The following VPS13B variants were observed in gnomAD, a reference collection of about 807,000 sequenced individuals.
VPS13B encodes intermembrane lipid transfer protein VPS13B.
A neutral mutation model predicts 426.4 loss-of-function variants in VPS13B; 285 were observed. The observed-to-expected ratio is 0.67, with a 90% confidence interval of 0.61 to 0.74. The LOEUF is 0.74. VPS13B is among the 30% of genes least tolerant of loss of function. The probability of loss-of-function intolerance (pLI) is 0.00; values close to 1 mark genes in which losing one functional copy is unlikely to be tolerated. For synonymous variants in VPS13B, 1,676 were observed against 1,676.4 expected (o/e 1.00, Z 0.01); for missense variants, 4,537 against 4,782.6 (o/e 0.95, Z 1.51).
chr8:99,311,599 C>G (rs1170438573), intron 19 of VPS13B, among the ~76,000 whole-genome samples: 1 of 152,092 alleles, frequency 6.6e-6, no homozygotes, highest in Non-Finnish European at 1.5e-5. Flanking sequence ...ACTATGTGGT[C>G]AATTTTGGAA....
chr8:99,101,872 A>G (rs1846770620), intron 4 of VPS13B, among the ~76,000 whole-genome samples: 1 of 152,194 alleles, frequency 6.6e-6, no homozygotes. Flanking sequence ...AAAGAATACA[A>G]CCATATGGTT....
chr8:99,166,798 C>T (rs1812032165), intron 15 of VPS13B, among the ~76,000 whole-genome samples: 1 of 152,214 alleles, frequency 6.6e-6, no homozygotes, highest in African/African-American at 2.4e-5. Context: ...CTTACTCTTA[C>T]TGATTCCAGA....
intron 19 of VPS13B, among the ~76,000 whole-genome samples, chr8:99,296,829 G>A (rs960951912): frequency 1.3e-5 from 2 of 152,150 alleles, no homozygotes; most frequent in Non-Finnish European, 2.9e-5. Context: ...ACAGAGACCA[G>A]GACTTCACCA....
At chr8:99,595,139 T>G (rs1826937677) in intron 33 of VPS13B, among the ~76,000 whole-genome samples, 1 of 151,976 alleles carries the variant, frequency 6.6e-6, no homozygotes, top group Non-Finnish European at 1.5e-5. Context: ...AAGTCAATCC[T>G]ATATTGAGTG....
intron 33 of VPS13B, among the ~76,000 whole-genome samples, chr8:99,586,611 T>G (rs1308438852): frequency 6.6e-6 from 1 of 152,094 alleles, no homozygotes; most frequent in Non-Finnish European, 1.5e-5. Flanking sequence ...AGTGGTGGTT[T>G]TGTGGGGAGA....
intron 30 of VPS13B, among the ~76,000 whole-genome samples, chr8:99,524,179 G>GA (rs1822525269): frequency 6.6e-6 from 1 of 151,922 alleles, no homozygotes; most frequent in Non-Finnish European, 1.5e-5. Flanking sequence ...CAGACTATTT[G>GA]AAAATACACA....
rs753494412 is a variant in VPS13B, at chr8:99,720,876, G to A, written c.6879G>A (p.Leu2293=). 3.7e-6 allele frequency: 6 copies of A among 1,613,166 alleles called. No individual in the cohort carries two copies. In the East Asian group the frequency reaches 1.3e-4, roughly 36 times the overall value. The change falls in exon 39 of 62, where the codon TTG becomes TTA. Residue 2293 remains leucine (L), a synonymous_variant. Transcript: ENST00000357162. Reference sequence around the variant, plus strand: ...TTTATTTGACAGAATCTTTGAAATTGCCTGGGGTCTATGAAGTCTTATTTT... The same window carrying A: ...TTTATTTGACAGAATCTTTGAAATTACCTGGGGTCTATGAAGTCTTATTTT... ...QYVQDAESLK[L]PGVYEVLFYN...
At chr8:99,165,639 G>A (rs1811959725) in intron 15 of VPS13B, among the ~76,000 whole-genome samples, 1 of 152,144 alleles carries the variant, frequency 6.6e-6, no homozygotes, top group Admixed American at 6.5e-5. Context: ...GAAAATCCCA[G>A]GGGATTTGGA....
At chr8:99,628,352 G>C (rs1380233196) in intron 33 of VPS13B, among the ~76,000 whole-genome samples, 1 of 152,058 alleles carries the variant, frequency 6.6e-6, no homozygotes, top group Non-Finnish European at 1.5e-5. Flanking sequence ...TATTGATGAA[G>C]AGCTTTCTCT....
At chr8:99,695,062 G>A (rs1270857427) in intron 35 of VPS13B, among the ~76,000 whole-genome samples, 3 of 147,370 alleles carry the variant, frequency 2.0e-5, no homozygotes, top group Non-Finnish European at 4.5e-5. Context: ...GTGCTGGAGA[G>A]GATGTGGAGA....
intron 61 of VPS13B, chr8:99,875,201 T>C (rs570389914): frequency 2.5e-5 from 16 of 651,830 alleles, no homozygotes; most frequent in Non-Finnish European, 4.3e-5. Context: ...CTAAGGAGGC[T>C]GTCCTAAGTC....
intron 19 of VPS13B, among the ~76,000 whole-genome samples, chr8:99,278,854 G>T (rs1339950328): frequency 6.6e-6 from 1 of 152,134 alleles, no homozygotes; most frequent in East Asian, 1.9e-4. Context: ...ATTGCATTCT[G>T]CACTTGACTA....
intron 39 of VPS13B, among the ~76,000 whole-genome samples, chr8:99,739,688 C>T (rs373419513): frequency 6.6e-5 from 10 of 152,170 alleles, no homozygotes; most frequent in Admixed American, 1.3e-4. Context: ...CTGCAGCCTC[C>T]GCTGCTGATA....
chr8:99,291,745 C>G (rs910369043), intron 19 of VPS13B, among the ~76,000 whole-genome samples: 4 of 151,970 alleles, frequency 2.6e-5, no homozygotes. Context: ...GATATTTAAG[C>G]CTTGAGTGAT....
At chr8:99,151,849 T>A (rs1159812834) in intron 14 of VPS13B, among the ~76,000 whole-genome samples, 3 of 152,134 alleles carry the variant, frequency 2.0e-5, no homozygotes, top group African/African-American at 7.2e-5. Flanking sequence ...TTTAGTATTT[T>A]AAAAATTATC....
intron 19 of VPS13B, among the ~76,000 whole-genome samples, chr8:99,345,706 G>C (rs917200172): frequency 2.7e-4 from 41 of 152,188 alleles, no homozygotes; most frequent in African/African-American, 9.6e-4. Flanking sequence ...AAATTCTTCA[G>C]TCACCAGTGA....
chr8:99,442,990 A>G (rs1817749210), intron 23 of VPS13B, among the ~76,000 whole-genome samples: 1 of 152,138 alleles, frequency 6.6e-6, no homozygotes, highest in South Asian at 2.1e-4. Flanking sequence ...TTTATGAATG[A>G]ATGTATTTTA....
chr8:99,251,303 A>T (rs915232312), intron 17 of VPS13B, among the ~76,000 whole-genome samples: 1 of 152,130 alleles, frequency 6.6e-6, no homozygotes, highest in Non-Finnish European at 1.5e-5. Context: ...GTTTTTGTAG[A>T]TGATCTTTCT....
chr8:99,421,222 A>G (rs1406564004), intron 21 of VPS13B, among the ~76,000 whole-genome samples: 1 of 152,186 alleles, frequency 6.6e-6, no homozygotes, highest in Non-Finnish European at 1.5e-5. Flanking sequence ...TCCCCAAGAT[A>G]TAATTGTTGA....
Sources: allele counts gnomAD v4.1 joint callset (sites outside exome capture counted in the v4.1 genomes callset), GRCh38; gene constraint gnomAD v4.1.1; transcripts MANE v1.5; gene names NCBI Gene and HGNC (gene_info 2026-07-23, HGNC 2026-07-21).